SBF2: variants seen among roughly 807,000 people sequenced by gnomAD.
SBF2 encodes the protein myotubularin-related protein 13.
SBF2 carries 112 observed loss-of-function variants against 225.2 expected under a neutral mutation model. The observed-to-expected ratio is 0.50, with a 90% CI of 0.43 to 0.58. The LOEUF (loss-of-function observed/expected upper bound fraction) is 0.58, where lower values mean the gene tolerates loss of function less well. Among genes scored for constraint, SBF2 ranks in the 20% least tolerant of loss-of-function variants. SBF2 has a pLI of 0.00. For synonymous variants in SBF2, 763 were observed against 773.3 expected (o/e 0.99, Z 0.22); for missense variants, 1,996 against 2,206.2 (o/e 0.90, Z 1.91).
rs755821109 is a variant in SBF2 at position 9,998,384 on chromosome 11, AAG to A, written c.862-7_862-6del. ...ATCTGCTATGATTACATCTAACTGA[AAG>A]AGATAAAAAAATTAACCTATAATTA... is the stretch of plus-strand genomic sequence containing the variant. On this transcript the variant is annotated splice_region_variant and splice_polypyrimidine_tract_variant and intron_variant, in intron 8 of 39. Transcript: ENST00000256190. 1 of 1,479,714 alleles carries A rather than the reference AAG, an allele frequency of 6.8e-7. No individual in the cohort carries two copies. Among genetic ancestry groups the A allele is most frequent in the South Asian group, 1.2e-5 (1 of 85,806 alleles). The allele number at this position is 1,479,714 out of a possible 1,614,324, so 91.7% of individuals were successfully genotyped here. A position where few individuals can be genotyped will look rare whatever the true frequency, so the allele number is the denominator to read the frequency against.
At chr11:10,092,341 T>C (rs1185942064) in intron 2 of SBF2, among the ~76,000 whole-genome samples, 5 of 152,180 alleles carry the variant, frequency 3.3e-5, no homozygotes, top group Non-Finnish European at 5.9e-5. Context: ...TTTTTATTGT[T>C]ATATTTAGTT....
rs1195377720 is a variant in SBF2 at position 10,274,937 on chromosome 11, T to C, written c.55+19078A>G. On this transcript the variant is annotated intron_variant, in intron 1 of 39. Transcript: ENST00000256190. The stretch of plus-strand genomic sequence containing the variant: ...AAACAGTTTAGCACAGGCACGTCAG[T>C]GGAAGCAATATGCAAATGAATATGC... 2.8e-4 allele frequency among the ~76,000 whole-genome samples: 42 copies of C among 152,118 alleles called. 2 individuals are homozygous for C. The highest frequency in any genetic ancestry group is 2.8e-3 in the Admixed American group (42 of 15,272).
rs970478069 is a variant in SBF2 at position 10,002,554 on chromosome 11, C to T, written c.752+3G>A. The T allele has an allele frequency of 1.2e-6, 2 of 1,608,106 alleles. No homozygotes were observed. Among genetic ancestry groups the T allele is most frequent in the Non-Finnish European group, 1.7e-6 (2 of 1,174,960 alleles). On this transcript the variant is annotated splice_donor_region_variant and intron_variant, in intron 7 of 39. Coordinates refer to ENST00000256190, the MANE Select transcript of SBF2 (RefSeq NM_030962.4). ...AAATAAAATTAACAAATGAAAACCT[C>T]ACCTATATTTAAGAGGAAACATTAA...
At chr11:10,156,074 G>A (rs146843668) in intron 2 of SBF2, among the ~76,000 whole-genome samples, 191 of 152,232 alleles carry the variant, frequency 1.3e-3, no homozygotes, top group East Asian at 6.4e-3. Flanking sequence ...CTGCACTCTC[G>A]GAAGCCCAGG....
intron 2 of SBF2, among the ~76,000 whole-genome samples, chr11:10,062,237 C>T (rs145484672): frequency 0.011 from 1,600 of 152,302 alleles, 12 homozygotes; most frequent in Non-Finnish European, 0.018. Flanking sequence ...TATAAATACC[C>T]TGGAAGACAA....
rs191258839 is a variant in SBF2 at position 9,901,652 on chromosome 11, T to A, written c.1861-5641A>T. Among the ~76,000 whole-genome samples the A allele has an allele frequency of 1.8e-3, 273 of 152,300 alleles. 2 individuals are homozygous for A. The highest frequency in any genetic ancestry group is 5.5e-3 in the African/African-American group (227 of 41,580). On this transcript the variant is annotated intron_variant, in intron 16 of 39. Transcript: ENST00000256190. The stretch of plus-strand genomic sequence containing the variant: ...AAAATCTCATTAAATGGGTTTTTTT[T>A]AAATTTTTATATTTTGAGACAGGGT...
chr11:10,015,360 T>C (rs1444920697), intron 6 of SBF2, among the ~76,000 whole-genome samples: 4 of 152,226 alleles, frequency 2.6e-5, no homozygotes, highest in Admixed American at 1.3e-4. Flanking sequence ...TATAACAAAG[T>C]ACCACAAATT....
At chr11:9,952,520 A>C (rs920127263) in intron 16 of SBF2, among the ~76,000 whole-genome samples, 1 of 152,122 alleles carries the variant, frequency 6.6e-6, no homozygotes, top group African/African-American at 2.4e-5. Flanking sequence ...TACTTGGGAA[A>C]AGGCTTTCTC....
chr11:9,799,698 GAT>G (rs904666375), intron 32 of SBF2, among the ~76,000 whole-genome samples: 1 of 152,188 alleles, frequency 6.6e-6, no homozygotes, highest in Non-Finnish European at 1.5e-5. Flanking sequence ...GAAATGATGA[GAT>G]GGCTGAACTC....
chr11:10,225,960 C>T (rs1434597767), intron 1 of SBF2, among the ~76,000 whole-genome samples: 3 of 152,222 alleles, frequency 2.0e-5, no homozygotes, highest in Admixed American at 2.0e-4. Flanking sequence ...GCCTTTTAAA[C>T]CAGGATTTTC....
At chr11:9,950,015 C>T (rs897806896) in intron 16 of SBF2, among the ~76,000 whole-genome samples, 4 of 151,854 alleles carry the variant, frequency 2.6e-5, no homozygotes, top group South Asian at 2.1e-4. Context: ...CATTTAAATG[C>T]TTGAGGGAGA....
chr11:9,876,351 T>A (rs1388514641), intron 17 of SBF2, among the ~76,000 whole-genome samples: 1 of 152,246 alleles, frequency 6.6e-6, no homozygotes, highest in Non-Finnish European at 1.5e-5. Flanking sequence ...CTATGTGTTA[T>A]AAACTGAATG....
At chr11:9,941,694 G>C (rs1449689464) in intron 16 of SBF2, among the ~76,000 whole-genome samples, 1 of 152,054 alleles carries the variant, frequency 6.6e-6, no homozygotes, top group Non-Finnish European at 1.5e-5. Flanking sequence ...AAAACTTCTA[G>C]CACAGATAAA....
At chr11:10,301,794 T>TA (rs1360564396) in intron 1 of SBF2, among the ~76,000 whole-genome samples, 1 of 152,240 alleles carries the variant, frequency 6.6e-6, no homozygotes, top group East Asian at 1.9e-4. Context: ...ATATAGGGCC[T>TA]AAAAATCATT....
intron 1 of SBF2, among the ~76,000 whole-genome samples, chr11:10,282,088 T>C (rs1028328300): frequency 5.3e-5 from 8 of 152,228 alleles, no homozygotes; most frequent in African/African-American, 1.7e-4. Flanking sequence ...TCGAAAGTTA[T>C]CCTAATTATT....
chr11:10,156,407 A>C (rs765144019), intron 2 of SBF2, among the ~76,000 whole-genome samples: 1 of 152,224 alleles, frequency 6.6e-6, no homozygotes, highest in Admixed American at 6.5e-5. Context: ...AGTGGAAGAC[A>C]GAAAGGTTAC....
In SBF2 at chr11:9,780,365, C is replaced by A. The variant is rs949902695; in HGVS notation, c.*53G>T. The A allele has an allele frequency of 2.1e-6, 3 of 1,462,464 alleles. No individual in the cohort carries two copies. The highest frequency in any genetic ancestry group is 2.9e-6 in the Non-Finnish European group (3 of 1,046,210). The allele number at this position is 1,462,464 out of a possible 1,614,324, so 90.6% of individuals were successfully genotyped here. On this transcript the variant is annotated 3_prime_UTR_variant, in exon 40 of 40. Transcript: ENST00000256190. Reference sequence around the variant, plus strand: ...CAAGGATCCATGCTTCTTTTTCTATCTATCTGGCAGCATGAGTTCTTCTGT... The same window carrying A: ...CAAGGATCCATGCTTCTTTTTCTATATATCTGGCAGCATGAGTTCTTCTGT...
intron 1 of SBF2, among the ~76,000 whole-genome samples, chr11:10,281,121 T>C (rs1331720396): frequency 6.6e-6 from 1 of 152,148 alleles, no homozygotes; most frequent in South Asian, 2.1e-4. Flanking sequence ...TGTAAGATTA[T>C]AGCCTTTCAT....
intron 1 of SBF2, among the ~76,000 whole-genome samples, chr11:10,248,854 G>A (rs575451202): frequency 2.6e-5 from 4 of 152,206 alleles, no homozygotes; most frequent in Non-Finnish European, 5.9e-5. Flanking sequence ...CTAGGGCTTT[G>A]GGAGGCCGAG....
Sources: gnomAD v4.1 joint callset for allele counts (sites outside exome capture counted in the v4.1 genomes callset) on GRCh38, gnomAD v4.1.1 for gene constraint, MANE v1.5 for transcripts, NCBI Gene and HGNC (gene_info 2026-07-23, HGNC 2026-07-21) for gene names.